SLC44A5: variants seen among roughly 807,000 people sequenced by gnomAD.
SLC44A5 encodes the protein choline transporter-like protein 5.
A neutral mutation model predicts 101.8 loss-of-function variants in SLC44A5; 57 were observed. The ratio of observed to expected loss-of-function variants is 0.56; its 90% confidence interval spans 0.45 to 0.70. The LOEUF (loss-of-function observed/expected upper bound fraction) is 0.70. Ranked by LOEUF, SLC44A5 falls within the 30% of genes least tolerant of loss-of-function variation. The pLI is 0.00. For synonymous variants in SLC44A5, 281 were observed against 290.9 expected (o/e 0.97, Z 0.35); for missense variants, 737 against 853.1 (o/e 0.86, Z 1.70).
At chr1:75,329,537 A>G (rs1656863836) in intron 4 of SLC44A5, among the ~76,000 whole-genome samples, 1 of 152,028 alleles carries the variant, frequency 6.6e-6, no homozygotes, top group Non-Finnish European at 1.5e-5. Flanking sequence ...TCATTTTTAA[A>G]TGTATTAACA....
At chr1:75,537,021 A>AT (rs1671069967) in intron 2 of SLC44A5, among the ~76,000 whole-genome samples, 3 of 39,348 alleles carry the variant, frequency 7.6e-5, no homozygotes, top group Non-Finnish European at 3.0e-4. Context: ...AAAAAAAAAA[A>AT]AAAAAAAAAA....
chr1:75,392,877 C>T (rs1661886224), intron 3 of SLC44A5, among the ~76,000 whole-genome samples: 1 of 152,134 alleles, frequency 6.6e-6, no homozygotes, highest in Admixed American at 6.6e-5. Flanking sequence ...TGGAGGCCAT[C>T]ATCCTAAGTT....
At chr1:75,541,104 G>A (rs1178954241) in intron 2 of SLC44A5, among the ~76,000 whole-genome samples, 2 of 152,162 alleles carry the variant, frequency 1.3e-5, no homozygotes, top group South Asian at 2.1e-4. Flanking sequence ...AGGGGGCAAC[G>A]CTGGAGAAAG....
chr1:75,340,725 T>A (rs1657813332), intron 3 of SLC44A5, among the ~76,000 whole-genome samples: 1 of 152,204 alleles, frequency 6.6e-6, no homozygotes, highest in African/African-American at 2.4e-5. Flanking sequence ...AGATATTGGA[T>A]CCAAGCTGGG....
chr1:75,616,101 G>GC (rs1675868163), upstream of SLC44A5, among the ~76,000 whole-genome samples: 1 of 151,904 alleles, frequency 6.6e-6, no homozygotes, highest in Non-Finnish European at 1.5e-5. Flanking sequence ...CGCGCCGCTG[G>GC]CCCCCCTCTT....
Position 75,395,711 on chromosome 1 carries a change from G to T in SLC44A5, c.52+872C>A, listed in dbSNP as rs1662081062. 2.0e-5 allele frequency among the ~76,000 whole-genome samples: 3 copies of T among 152,008 alleles called. No individual in the cohort carries two copies. In the South Asian group the frequency reaches 6.2e-4, roughly 32 times the overall value. On this transcript the variant is annotated intron_variant, in intron 3 of 23. Coordinates refer to ENST00000370859, the MANE Select transcript of SLC44A5 (RefSeq NM_001130058.2). The stretch of plus-strand genomic sequence containing the variant: ...TTTATGGGTTGCAATGTGATGTTTT[G>T]CTCTATGTATATATACATTGTAGAA...
intron 4 of SLC44A5, among the ~76,000 whole-genome samples, chr1:75,333,960 T>C (rs771061688): frequency 7.6e-4 from 116 of 152,306 alleles, no homozygotes; most frequent in Non-Finnish European, 1.3e-3. Context: ...TCAGGGACTT[T>C]GCATTTGTTA....
intron 13 of SLC44A5, among the ~76,000 whole-genome samples, chr1:75,222,691 G>T (rs1647112751): frequency 6.6e-6 from 1 of 152,102 alleles, no homozygotes; most frequent in Non-Finnish European, 1.5e-5. Context: ...TTTTGGAAAG[G>T]GTTCATCTCA....
At chr1:75,313,884 T>C (rs1322524833) in intron 4 of SLC44A5, among the ~76,000 whole-genome samples, 1 of 152,072 alleles carries the variant, frequency 6.6e-6, no homozygotes, top group Non-Finnish European at 1.5e-5. Flanking sequence ...AAACTATTTG[T>C]GGTTATATGG....
intron 3 of SLC44A5, among the ~76,000 whole-genome samples, chr1:75,394,117 C>T (rs1159338797): frequency 6.6e-6 from 1 of 151,866 alleles, no homozygotes; most frequent in East Asian, 1.9e-4. Context: ...GAGCGACTGG[C>T]CAGAGAAGGA....
chr1:75,641,056 A>G, the SLC44A5 span, among the ~76,000 whole-genome samples: 8 of 152,136 alleles, frequency 5.3e-5, no homozygotes, highest in Non-Finnish European at 1.2e-4. Flanking sequence ...AGTCTTCCCC[A>G]AAAAGGACAT....
the SLC44A5 span, among the ~76,000 whole-genome samples, chr1:75,680,322 C>T: frequency 2.6e-5 from 4 of 151,774 alleles, no homozygotes; most frequent in South Asian, 6.3e-4. Context: ...TTTTTCAGCA[C>T]CACACCACAC....
chr1:75,383,405 C>T (rs1358181159), intron 3 of SLC44A5, among the ~76,000 whole-genome samples: 7 of 151,542 alleles, frequency 4.6e-5, no homozygotes, highest in African/African-American at 1.5e-4. Flanking sequence ...CCAAATCTCT[C>T]GTCCCACCTT....
chr1:75,605,461 C>A (rs1450878455), intron 1 of SLC44A5, among the ~76,000 whole-genome samples: 2 of 152,070 alleles, frequency 1.3e-5, no homozygotes, highest in Admixed American at 6.6e-5. Flanking sequence ...GAGAGGCCAC[C>A]CCTCCTTTCA....
At chr1:75,714,215 G>A in the SLC44A5 span, among the ~76,000 whole-genome samples, 14 of 152,266 alleles carry the variant, frequency 9.2e-5, no homozygotes, top group African/African-American at 3.4e-4. Context: ...TGGGATAAAA[G>A]GTTGGTTCAA....
chr1:75,702,831 C>T, the SLC44A5 span, among the ~76,000 whole-genome samples: 7 of 152,052 alleles, frequency 4.6e-5, no homozygotes, highest in Non-Finnish European at 8.8e-5. Context: ...CAAACAACCC[C>T]ATCAAAAAGT....
At chr1:75,394,235 G>A (rs1018137238) in intron 3 of SLC44A5, among the ~76,000 whole-genome samples, 1 of 152,092 alleles carries the variant, frequency 6.6e-6, no homozygotes, top group Non-Finnish European at 1.5e-5. Flanking sequence ...TGCTGAGAGA[G>A]AGTAAGGTGA....
chr1:75,345,503 T>G (rs1243787263), intron 3 of SLC44A5, among the ~76,000 whole-genome samples: 1 of 152,108 alleles, frequency 6.6e-6, no homozygotes, highest in Non-Finnish European at 1.5e-5. Context: ...CCCACATAAC[T>G]AAAGCGATCA....
intron 4 of SLC44A5, among the ~76,000 whole-genome samples, chr1:75,303,717 C>G (rs953715786): frequency 2.0e-5 from 3 of 152,196 alleles, no homozygotes; most frequent in African/African-American, 7.2e-5. Context: ...CCAGCAGTCT[C>G]TCACCACAAT....
Sources: allele counts gnomAD v4.1 joint callset (sites outside exome capture counted in the v4.1 genomes callset), GRCh38; gene constraint gnomAD v4.1.1; transcripts MANE v1.5; gene names NCBI Gene and HGNC (gene_info 2026-07-23, HGNC 2026-07-21).